YEATS2: variants seen among roughly 807,000 people sequenced by gnomAD.
The protein encoded by YEATS2 is YEATS domain-containing protein 2.
Under a neutral mutation model 163.2 loss-of-function variants are expected in YEATS2, and 77 were observed. That is an observed-to-expected ratio of 0.47 (90% CI 0.39 to 0.57). The LOEUF is 0.57. Ranked by LOEUF, YEATS2 falls within the 20% of genes least tolerant of loss-of-function variation. The pLI is 0.00. For missense variants in YEATS2, 1,549 were observed against 1,729.8 expected, an observed-to-expected ratio of 0.90 and a Z score of 1.85; for synonymous variants, 631 against 645.1, an observed-to-expected ratio of 0.98 and a Z score of 0.33.
In YEATS2 at chr3:183,763,289, A is replaced by G. The variant is rs533998773; in HGVS notation, c.1947+1010A>G. ...AGGCTGTAAACCTGTTCCGCATGTT[A>G]CTATTGAATACTATAGGAAGTTGTA... On this transcript the variant is annotated intron_variant, in intron 15 of 30. Transcript: ENST00000305135. Among the ~76,000 whole-genome samples, 5 of 152,300 alleles carry G rather than the reference A, an allele frequency of 3.3e-5. No homozygotes were observed. In the South Asian group the frequency reaches 6.2e-4, roughly 19 times the overall value.
intron 19 of YEATS2, among the ~76,000 whole-genome samples, chr3:183,779,994 C>A (rs1044218671): frequency 1.2e-4 from 17 of 146,796 alleles, no homozygotes; most frequent in Non-Finnish European, 2.5e-4. Flanking sequence ...CCGCACCTGG[C>A]CTTTACTTTT....
At position 183,727,489 on chromosome 3, in the gene YEATS2, C is replaced by T. The variant is rs888631212; in HGVS notation, c.651-1201C>T. On this transcript the variant is annotated intron_variant, in intron 6 of 30. Coordinates refer to ENST00000305135, the MANE Select transcript of YEATS2 (RefSeq NM_018023.5). The stretch of plus-strand genomic sequence containing the variant: ...ATCTGTAGGTATTCCTGTTAAAATC[C>T]CATCAGGGTTCATGACTTTCATGAG... Among the ~76,000 whole-genome samples the T allele has an allele frequency of 4.7e-4, 72 of 152,246 alleles. 1 individual carries two copies. Among genetic ancestry groups the T allele is most frequent in the African/African-American group, 1.7e-3 (71 of 41,544 alleles).
At chr3:183,778,642 C>T (rs141600711) in intron 19 of YEATS2, among the ~76,000 whole-genome samples, 1 of 152,062 alleles carries the variant, frequency 6.6e-6, no homozygotes, top group African/African-American at 2.4e-5. Flanking sequence ...AGGCGTGATC[C>T]GCTCCTGGCC....
chr3:183,712,226 T>TATTTTATTTTATTTTATTTTATTTTA, intron 1 of YEATS2, among the ~76,000 whole-genome samples: 10 of 147,194 alleles, frequency 6.8e-5, no homozygotes, highest in East Asian at 6.1e-4. Context: ...TATTTTATTT[T>TATTTTATTTTATTTTATTTTATTTTA]TTGAGACAGA....
intron 1 of YEATS2, among the ~76,000 whole-genome samples, chr3:183,708,225 G>T (rs1478780240): frequency 7.2e-6 from 1 of 139,296 alleles, no homozygotes; most frequent in Admixed American, 7.8e-5. Flanking sequence ...GCAGTGGCAC[G>T]ATCTCGGCTC....
At chr3:183,758,372 T>A (rs952364816) in intron 12 of YEATS2, among the ~76,000 whole-genome samples, 14 of 151,804 alleles carry the variant, frequency 9.2e-5, no homozygotes, top group Admixed American at 7.2e-4. Flanking sequence ...AAAAAAATAA[T>A]AATGTTGGCA....
intron 21 of YEATS2, chr3:183,793,034 G>A (rs1724806020): frequency 4.3e-6 from 4 of 922,330 alleles, no homozygotes; most frequent in South Asian, 1.4e-5. Flanking sequence ...GGTATAGACA[G>A]ATACTTCTGT....
At chr3:183,759,659 C>T (rs1042174952) in intron 13 of YEATS2, among the ~76,000 whole-genome samples, 1 of 152,180 alleles carries the variant, frequency 6.6e-6, no homozygotes, top group Non-Finnish European at 1.5e-5. Context: ...ACAAATGGCT[C>T]CCACCTTACA....
chr3:183,766,640 T>G (rs1264099493), intron 15 of YEATS2, among the ~76,000 whole-genome samples: 1 of 152,184 alleles, frequency 6.6e-6, no homozygotes, highest in East Asian at 1.9e-4. Flanking sequence ...ATGAGGAAAG[T>G]CAGTAGGTGA....
chr3:183,754,453 T>C (rs1457686878), intron 11 of YEATS2, 88 bp downstream of exon 11: 1 of 1,488,136 alleles, frequency 6.7e-7, no homozygotes, highest in East Asian at 2.3e-5. Flanking sequence ...TGGCTTTTTT[T>C]CTCTTAAGTT....
chr3:183,728,938 C>G, intron 7 of YEATS2, 87 bp downstream of exon 7: 1 of 1,372,040 alleles, frequency 7.3e-7, no homozygotes, highest in Non-Finnish European at 1.0e-6. Flanking sequence ...CAAAACATTT[C>G]CTGGAAATGC....
intron 17 of YEATS2, 67 bp from the exon 18 acceptor site, chr3:183,775,848 T>G: frequency 6.2e-7 from 1 of 1,605,110 alleles, no homozygotes; most frequent in Non-Finnish European, 8.5e-7. Flanking sequence ...CTGGGCTCAT[T>G]TGTTTTTTAT....
At chr3:183,710,822 G>A (rs527884780) in intron 1 of YEATS2, among the ~76,000 whole-genome samples, 78 of 152,292 alleles carry the variant, frequency 5.1e-4, no homozygotes, top group African/African-American at 1.9e-3. Context: ...AGAATATACA[G>A]ATTATGAAGT....
chr3:183,749,913 G>T (rs899101011), intron 9 of YEATS2, among the ~76,000 whole-genome samples: 1 of 152,096 alleles, frequency 6.6e-6, no homozygotes, highest in Non-Finnish European at 1.5e-5. Context: ...CACCTCCCGG[G>T]TTCACGCCAT....
intron 8 of YEATS2, among the ~76,000 whole-genome samples, chr3:183,746,632 GAAA>G (rs1719566217): frequency 6.7e-6 from 1 of 149,316 alleles, no homozygotes; most frequent in African/African-American, 2.5e-5. Flanking sequence ...TGGAGACTGT[GAAA>G]ATGGATGTAA....
At chr3:183,803,427 T>C (rs759386913) in intron 26 of YEATS2, 92 bp downstream of exon 26, 3 of 1,209,136 alleles carry the variant, frequency 2.5e-6, no homozygotes, top group Non-Finnish European at 3.5e-6. Context: ...GTTGAAATAT[T>C]TGATGGCAGA....
chr3:183,781,934 A>G (rs551008583), intron 19 of YEATS2, among the ~76,000 whole-genome samples: 86 of 150,710 alleles, frequency 5.7e-4, no homozygotes, highest in Non-Finnish European at 1.0e-3. Flanking sequence ...TTCTATCACC[A>G]TTTTTCTGTT....
intron 19 of YEATS2, among the ~76,000 whole-genome samples, chr3:183,784,561 C>A (rs1023163541): frequency 1.3e-5 from 2 of 152,132 alleles, no homozygotes; most frequent in Admixed American, 1.3e-4. Context: ...TGTCTCTACT[C>A]TGTTGATAGT....
In YEATS2 at chr3:183,747,704, T is replaced by C; in HGVS notation, c.957T>C (p.Leu319=). ...GAACTTATACTGGCTTGCAGACTCT[T>C]GGAGCAGAGACGGTAGGTTTTTTTC... The part of the protein sequence containing the change: ...LDRTYTGLQT[L]GAETVVDVEL... The change falls in exon 9 of 31, where the codon CTT becomes CTC. Residue 319 remains leucine (L), a synonymous_variant. Coordinates refer to ENST00000305135, the MANE Select transcript of YEATS2 (RefSeq NM_018023.5). The C allele has an allele frequency of 6.2e-7, 1 of 1,613,154 alleles. No homozygotes were observed. Among genetic ancestry groups the C allele is most frequent in the Non-Finnish European group, 8.5e-7 (1 of 1,179,374 alleles).
Sources: allele counts gnomAD v4.1 joint callset (sites outside exome capture counted in the v4.1 genomes callset), GRCh38; gene constraint gnomAD v4.1.1; transcripts MANE v1.5; gene names NCBI Gene and HGNC (gene_info 2026-07-23, HGNC 2026-07-21).